LACC1: variants seen among roughly 807,000 people sequenced by gnomAD.
LACC1 encodes the protein laccase domain multifunctional purine nucleosidase 1.
In LACC1, 25 loss-of-function variants were observed where a neutral mutation model predicts 34.8. That is an observed-to-expected ratio of 0.72 (90% CI 0.52 to 1.00). LACC1 has a LOEUF of 1.00. Among genes scored for constraint, LACC1 ranks in the 50% least tolerant of loss-of-function variants. The pLI is 0.00. For synonymous variants in LACC1, 162 were observed against 168.0 expected, an observed-to-expected ratio of 0.96 and a Z score of 0.28; for missense variants, 426 against 511.2, an observed-to-expected ratio of 0.83 and a Z score of 1.61.
chr13:43,890,382 T>TA, intron 6 of LACC1, 108 bp downstream of exon 6: 2 of 881,468 alleles, frequency 2.3e-6, no homozygotes, highest in Non-Finnish European at 1.6e-6. Flanking sequence ...CTCCCCTTAT[T>TA]TAAAAAAAAA....
At chr13:43,881,581 T>C in intron 2 of LACC1, 34 bp downstream of exon 2, 1 of 1,470,370 alleles carries the variant, frequency 6.8e-7, no homozygotes, top group Non-Finnish European at 9.2e-7. Context: ...TTTTACTTTG[T>C]ACATGGAAAA....
Position 43,890,262 on chromosome 13 carries a change from A to G in LACC1, c.1282A>G (p.Ile428Val). The change falls in exon 6 of 7, where the codon ATT becomes GTT. Residue 428 changes from isoleucine to valine, a missense_variant. Around this residue, in one of 2 missense-constraint regions of LACC1, gnomAD observed 209 missense variants for 300.3 expected, o/e 0.70. Transcript: ENST00000325686. ...NFGTQIGFIS[I>V]KE Reference sequence around the variant, plus strand: ...TGGTACACAGATTGGCTTCATATCAATTAAAGAATGAGGTACAGTAGGTTT... The same window carrying G: ...TGGTACACAGATTGGCTTCATATCAGTTAAAGAATGAGGTACAGTAGGTTT... 8 of 1,613,194 alleles carry G rather than the reference A, an allele frequency of 5.0e-6. No homozygotes were observed. The highest frequency in any genetic ancestry group is 1.1e-5 in the South Asian group (1 of 90,942).
In LACC1 at chr13:43,880,296, G is replaced by T. The variant is rs575896174; in HGVS notation, c.-35+177G>T. Among the ~76,000 whole-genome samples, 19 of 145,128 alleles carry T rather than the reference G, an allele frequency of 1.3e-4. No homozygotes were observed. In the South Asian group the frequency reaches 4.7e-3, roughly 36 times the overall value. On this transcript the variant is annotated intron_variant, in intron 1 of 6. Coordinates refer to ENST00000325686, the MANE Select transcript of LACC1 (RefSeq NM_153218.4). ...AGAAAACCTTCTTGGGGCAAAGGGCGTCACCAAAGGGGGTCACCGGAGCCC... is the reference window on the plus strand; with the variant it reads ...AGAAAACCTTCTTGGGGCAAAGGGCTTCACCAAAGGGGGTCACCGGAGCCC...
chr13:43,891,622 A>G lies in LACC1; in HGVS notation c.*175A>G. On this transcript the variant is annotated 3_prime_UTR_variant, in exon 7 of 7. Transcript: ENST00000325686. Reference sequence around the variant, plus strand: ...AAATGATTTTCATTTAATTGTAATAATAACTGACAAAAATCAGTATGTTGT... The same window carrying G: ...AAATGATTTTCATTTAATTGTAATAGTAACTGACAAAAATCAGTATGTTGT... 1.3e-6 allele frequency: 1 copy of G among 762,762 alleles called. No individual in the cohort carries two copies. Among genetic ancestry groups the G allele is most frequent in the Non-Finnish European group, 1.6e-6 (1 of 627,060 alleles). The allele number at this position is 762,762 out of a possible 1,614,324, so 47.2% of individuals were successfully genotyped here. A position where few individuals can be genotyped will look rare whatever the true frequency, so the allele number is the denominator to read the frequency against.
rs375655738 is a variant in LACC1 at position 43,881,141 on chromosome 13, T to C, written c.156T>C (p.Tyr52=). The C allele has an allele frequency of 1.1e-4, 170 of 1,614,020 alleles. No individual in the cohort carries two copies. The highest frequency in any genetic ancestry group is 3.3e-4 in the Middle Eastern group (2 of 6,084). Residue 52 remains tyrosine (Y), a synonymous_variant, in exon 2 of 7, where the codon TAT becomes TAC. Coordinates refer to ENST00000325686, the MANE Select transcript of LACC1 (RefSeq NM_153218.4). ...LCIMCCSNIS[Y]ERDGEQDNCE... ...TAATGTGTTGCAGTAACATCAGCTA[T>C]GAAAGGGATGGAGAACAAGATAATT...
intron 2 of LACC1, 137 bp downstream of exon 2, chr13:43,881,684 A>C: frequency 3.0e-6 from 2 of 670,090 alleles, no homozygotes; most frequent in Non-Finnish European, 4.9e-6. Context: ...CAGTGGCAAC[A>C]CAGAGGTGTC....
chr13:43,893,776 G>A lies in LACC1; in HGVS notation c.*2329G>A, dbSNP rs1376733526. On this transcript the variant is annotated 3_prime_UTR_variant, in exon 7 of 7. Transcript: ENST00000325686. ...TTTAATGAAAATGATGAAGATTAAGGAATACTTCCATGTATTGAGTAAGGT... is the reference window on the plus strand; with the variant it reads ...TTTAATGAAAATGATGAAGATTAAGAAATACTTCCATGTATTGAGTAAGGT... 6.6e-6 allele frequency: 1 copy of A among 152,028 alleles called. No individual in the cohort carries two copies. Among genetic ancestry groups the A allele is most frequent in the Non-Finnish European group, 1.5e-5 (1 of 67,850 alleles). 9.4% of individuals were successfully genotyped at this position (152,028 alleles called of 1,614,324 possible).
intron 3 of LACC1, 63 bp downstream of exon 3, chr13:43,882,426 A>G: frequency 6.4e-6 from 8 of 1,251,216 alleles, no homozygotes; most frequent in South Asian, 1.5e-5. Context: ...TAGTAACTAC[A>G]TGGACTTTAA....
Position 43,891,677 on chromosome 13 carries a change from T to G in LACC1, c.*230T>G, listed in dbSNP as rs920940099. 8.3e-6 allele frequency: 4 copies of G among 483,802 alleles called. No homozygotes were observed. The highest frequency in any genetic ancestry group is 1.3e-4 in the Admixed American group (2 of 15,670). 30.0% of individuals were successfully genotyped at this position (483,802 alleles called of 1,614,324 possible). A position where few individuals can be genotyped will look rare whatever the true frequency, so the allele number is the denominator to read the frequency against. On this transcript the variant is annotated 3_prime_UTR_variant, in exon 7 of 7. Transcript: ENST00000325686. ...AATATGTTTTATGCATGAGAATTAT[T>G]CTTAAAGTTTGTTCTCCCTGTTTAT...
In LACC1 at chr13:43,881,422, C is replaced by A. The variant is rs150202700; in HGVS notation, c.437C>A (p.Ser146Tyr). 382 of 1,613,846 alleles carry A rather than the reference C, an allele frequency of 2.4e-4. No homozygotes were observed. The highest frequency in any genetic ancestry group is 2.9e-4 in the Non-Finnish European group (343 of 1,179,960). The change falls in exon 2 of 7, where the codon TCC (serine) becomes TAC (tyrosine). Residue 146 changes from serine to tyrosine, a missense_variant. This residue lies in a region of LACC1 where 217 missense variants were observed against 210.9 expected (regional missense o/e 1.03). Coordinates refer to ENST00000325686, the MANE Select transcript of LACC1 (RefSeq NM_153218.4). ...TTTAGGGGAGGGCTTTTTAAACAGTCCATTGAAATAAACGTAATCACAGCT... is the reference window on the plus strand; with the variant it reads ...TTTAGGGGAGGGCTTTTTAAACAGTACATTGAAATAAACGTAATCACAGCT... ...VTFRGGLFKQ[S>Y]IEINVITAQE...
chr13:43,882,802 G>A (rs1325330828), intron 3 of LACC1, among the ~76,000 whole-genome samples: 2 of 152,076 alleles, frequency 1.3e-5, no homozygotes, highest in Non-Finnish European at 2.9e-5. Flanking sequence ...ATAAATGTGA[G>A]CTAGACATAT....
intron 3 of LACC1, 36 bp from the exon 4 acceptor site, chr13:43,883,735 T>G (rs1955183675): frequency 6.5e-7 from 1 of 1,544,900 alleles, no homozygotes; most frequent in Admixed American, 1.8e-5. Context: ...GAAATACTAT[T>G]TCCAAAACAT....
At position 43,890,100 on chromosome 13, in the gene LACC1, A is replaced by C. The variant is rs1316742321; in HGVS notation, c.1134-14A>C. On this transcript the variant is annotated splice_polypyrimidine_tract_variant and intron_variant, in intron 5 of 6. Transcript: ENST00000325686. The stretch of plus-strand genomic sequence containing the variant: ...ATAAACTCTTGCTCTCTTTTGAAAA[A>C]TATTTTTCCTAAGGATTCTTCTAGA... 6.3e-7 allele frequency: 1 copy of C among 1,595,712 alleles called. No individual in the cohort carries two copies. Among genetic ancestry groups the C allele is most frequent in the East Asian group, 2.2e-5 (1 of 44,570 alleles).
chr13:43,891,422 C>A (rs1688507717), intron 6 of LACC1, 27 bp from the exon 7 acceptor site: 1 of 971,796 alleles, frequency 1.0e-6, no homozygotes, highest in Non-Finnish European at 1.2e-6. Context: ...GTAAGCGTCT[C>A]ATATTTGATT....
chr13:43,885,628 A>G (rs571616817), intron 4 of LACC1, among the ~76,000 whole-genome samples: 31 of 152,350 alleles, frequency 2.0e-4, no homozygotes, highest in African/African-American at 7.0e-4. Flanking sequence ...AAAGACTTAA[A>G]CATATAGCCT....
intron 5 of LACC1, 51 bp from the exon 6 acceptor site, chr13:43,890,063 G>T: frequency 2.0e-6 from 3 of 1,485,280 alleles, no homozygotes; most frequent in Non-Finnish European, 1.8e-6. Flanking sequence ...TATTGCTTTG[G>T]CTATTGGGAA....
intron 4 of LACC1, among the ~76,000 whole-genome samples, chr13:43,887,607 AATAG>A (rs1955388600): frequency 1.3e-5 from 2 of 152,160 alleles, no homozygotes; most frequent in African/African-American, 2.4e-5. Context: ...ATTGAAATAT[AATAG>A]ATATATTTTT....
At chr13:43,890,494 C>T (rs1955527990) in intron 6 of LACC1, among the ~76,000 whole-genome samples, 1 of 152,070 alleles carries the variant, frequency 6.6e-6, no homozygotes, top group African/African-American at 2.4e-5. Context: ...TTTCCAATAA[C>T]ACTCTATTAT....
Position 43,891,457 on chromosome 13 carries a change from C to G in LACC1, c.*10C>G. The G allele has an allele frequency of 2.0e-6, 2 of 984,384 alleles. No homozygotes were observed. Among genetic ancestry groups the G allele is most frequent in the Non-Finnish European group, 2.4e-6 (2 of 828,900 alleles). 61.0% of individuals were successfully genotyped at this position (984,384 alleles called of 1,614,324 possible). A position where few individuals can be genotyped will look rare whatever the true frequency, so the allele number is the denominator to read the frequency against. On this transcript the variant is annotated 3_prime_UTR_variant, in exon 7 of 7. Coordinates refer to ENST00000325686, the MANE Select transcript of LACC1 (RefSeq NM_153218.4). ...TTCTATGTATTTTACAGATACTTGA[C>G]TGGATTTTTGTATAACTGCTTCCTG...
Sources: allele counts gnomAD v4.1 joint callset (sites outside exome capture counted in the v4.1 genomes callset), GRCh38; gene constraint gnomAD v4.1.1; regional missense constraint gnomAD v4.1.1; transcripts MANE v1.5; gene names NCBI Gene and HGNC (gene_info 2026-07-23, HGNC 2026-07-21).